The following ATXN3 variants were observed in gnomAD, a reference collection of about 807,000 sequenced individuals.
ATXN3 encodes ataxin 3.
In ATXN3, 28 loss-of-function variants were observed where a neutral mutation model predicts 58.2. The ratio of observed to expected loss-of-function variants is 0.48; its 90% CI spans 0.36 to 0.66. ATXN3 has a LOEUF of 0.66. Among genes scored for constraint, ATXN3 ranks in the 30% least tolerant of loss-of-function variants. ATXN3 has a pLI of 0.00. For missense variants in ATXN3, 321 were observed against 422.1 expected (o/e 0.76, Z 2.10); for synonymous variants, 113 against 138.5 (o/e 0.82, Z 1.29).
chr14:92,051,212 T>C (rs1455209794), upstream of ATXN3, among the ~76,000 whole-genome samples: 5 of 152,230 alleles, frequency 3.3e-5, no homozygotes, highest in Non-Finnish European at 5.9e-5. Context: ...ATGTAAGTCT[T>C]ATTCATTGCA....
At chr14:92,045,436 G>T (rs1197234634) in intron 2 of ATXN3, among the ~76,000 whole-genome samples, 4 of 152,110 alleles carry the variant, frequency 2.6e-5, no homozygotes, top group African/African-American at 9.7e-5. Context: ...TGTGGGAAAG[G>T]CCTCTACCCA....
chr14:92,071,360 C>T, intron 9 of ATXN3: 3 of 450,296 alleles, frequency 6.7e-6, no homozygotes, highest in South Asian at 3.7e-5. Flanking sequence ...CTTTGGGAGG[C>T]CGAGGCGGGT....
At chr14:92,055,698 T>C (rs2057462638), downstream of ATXN3, among the ~76,000 whole-genome samples, 1 of 152,172 alleles carries the variant, frequency 6.6e-6, no homozygotes, top group Non-Finnish European at 1.5e-5. The surrounding 1 kb of genome is among the most constrained non-coding windows in gnomAD (Gnocchi z 4.5). Flanking sequence ...AGGTGGCTCA[T>C]GCCTGTCATC....
intron 10 of ATXN3, among the ~76,000 whole-genome samples, chr14:92,070,388 G>A (rs558124846): frequency 6.6e-6 from 1 of 152,230 alleles, no homozygotes; most frequent in Non-Finnish European, 1.5e-5. Flanking sequence ...GACCATCCTG[G>A]CTAACATGGT....
At position 92,093,725 on chromosome 14, in the gene ATXN3, AAATGC is replaced by A; in HGVS notation, c.320+16_320+20del. On this transcript the variant is annotated intron_variant, in intron 4 of 10. Transcript: ENST00000644486. Reference sequence around the variant, plus strand: ...TCAAATTTGGGAAAAGAAATGTATGAAATGCAAAACAGAATCTTACATAGGATCGA... The same window carrying A: ...TCAAATTTGGGAAAAGAAATGTATGAAAAACAGAATCTTACATAGGATCGA... 6.6e-7 allele frequency: 1 copy of A among 1,514,028 alleles called. No homozygotes were observed. Among genetic ancestry groups the A allele is most frequent in the Non-Finnish European group, 9.0e-7 (1 of 1,109,484 alleles). 93.8% of individuals were successfully genotyped at this position (1,514,028 alleles called of 1,614,324 possible). A position where few individuals can be genotyped will look rare whatever the true frequency, so the allele number is the denominator to read the frequency against.
intron 2 of ATXN3, 32 bp from the exon 3 acceptor site, chr14:92,096,169 G>T: frequency 1.2e-6 from 2 of 1,610,688 alleles, no homozygotes; most frequent in Non-Finnish European, 8.5e-7. Context: ...TGAAGCAAGG[G>T]TGGGGGTGGG....
At position 92,060,922 on chromosome 14, in the gene ATXN3, T is replaced by TG. The variant is rs1053261531; in HGVS notation, c.*3397dup. 8.6e-5 allele frequency: 13 copies of TG among 151,958 alleles called. No homozygotes were observed. Among genetic ancestry groups the TG allele is most frequent in the Middle Eastern group, 3.4e-3 (1 of 294 alleles). The allele number at this position is 151,958 out of a possible 1,614,324, so 9.4% of individuals were successfully genotyped here. On this transcript the variant is annotated 3_prime_UTR_variant, in exon 11 of 11. Transcript: ENST00000644486. Reference sequence around the variant, plus strand: ...TAATTTTTGTAGTTTTTAGTACAGATGGGGTTTCACCATTTTGGCCAAGCT... The same window carrying TG: ...TAATTTTTGTAGTTTTTAGTACAGATGGGGGTTTCACCATTTTGGCCAAGCT...
intron 10 of ATXN3, among the ~76,000 whole-genome samples, chr14:92,068,957 A>C (rs1386406063): frequency 1.3e-5 from 2 of 152,178 alleles, no homozygotes; most frequent in Admixed American, 1.3e-4. Context: ...AGAAAAAAGT[A>C]CCAGTTCATT....
Position 92,060,802 on chromosome 14 carries a change from GGCTCACT to G in ATXN3, c.*3511_*3517del, listed in dbSNP as rs2057727187. 1 of 147,338 alleles carries G rather than the reference GGCTCACT, an allele frequency of 6.8e-6. No individual in the cohort carries two copies. Among genetic ancestry groups the G allele is most frequent in the Non-Finnish European group, 1.5e-5 (1 of 67,368 alleles). The allele number at this position is 147,338 out of a possible 1,614,324, so 9.1% of individuals were successfully genotyped here. On this transcript the variant is annotated 3_prime_UTR_variant, in exon 11 of 11. Coordinates refer to ENST00000644486, the MANE Select transcript of ATXN3 (RefSeq NM_004993.6). ...GTCTGGAGTACAGTGGCACCATCTT[GGCTCACT>G]GCATCCTCTGTCGCCAGGGTTCAAG...
chr14:92,070,618 G>A lies in ATXN3; in HGVS notation c.991+317C>T. The A allele has an allele frequency of 7.6e-6, 5 of 661,268 alleles. No individual in the cohort carries two copies. The South Asian group carries it at 1.2e-4, about 16-fold the overall frequency. 41.0% of individuals were successfully genotyped at this position (661,268 alleles called of 1,614,324 possible). ...ATCCATGATGTCTAAGGAATTTTTGGAGACTGTACAAATTACTGTGAAGTT... is the reference window on the plus strand; with the variant it reads ...ATCCATGATGTCTAAGGAATTTTTGAAGACTGTACAAATTACTGTGAAGTT... On this transcript the variant is annotated intron_variant, in intron 10 of 10. Transcript: ENST00000644486.
intron 10 of ATXN3, among the ~76,000 whole-genome samples, chr14:92,067,810 A>G (rs2058707723): frequency 6.6e-6 from 1 of 152,208 alleles, no homozygotes; most frequent in Non-Finnish European, 1.5e-5. Flanking sequence ...GGCAACAGGG[A>G]AAAGGGAGTG....
At chr14:92,081,890 T>TA (rs55904144) in intron 8 of ATXN3, among the ~76,000 whole-genome samples, 3,314 of 152,352 alleles carry the variant, frequency 0.022, 124 homozygotes, top group African/African-American at 0.075. Context: ...AAAGTGGGCT[T>TA]ACGGTTTAAG....
chr14:92,073,083 T>C (rs7150654), intron 9 of ATXN3, among the ~76,000 whole-genome samples: 43,871 of 152,164 alleles, frequency 0.29, 6,748 homozygotes, highest in East Asian at 0.44. Flanking sequence ...CTGGCACATC[T>C]GCTATCACTC....
At chr14:92,069,010 T>C (rs1305971841) in intron 10 of ATXN3, among the ~76,000 whole-genome samples, 1 of 152,168 alleles carries the variant, frequency 6.6e-6, no homozygotes, top group Non-Finnish European at 1.5e-5. Context: ...AGTTTGTGCA[T>C]TCATTAACTA....
At chr14:92,080,038 TTTTA>T (rs2061178487) in intron 9 of ATXN3, among the ~76,000 whole-genome samples, 3 of 151,942 alleles carry the variant, frequency 2.0e-5, no homozygotes, top group Admixed American at 6.6e-5. Flanking sequence ...GTGCCCAGCC[TTTTA>T]TTTTTCTTTA....
intron 4 of ATXN3, 163 bp downstream of exon 4, chr14:92,093,583 A>G: frequency 1.5e-6 from 1 of 670,648 alleles, no homozygotes; most frequent in East Asian, 2.7e-5. Flanking sequence ...TACAGGGCAG[A>G]TGCTCATGGA....
downstream of ATXN3, among the ~76,000 whole-genome samples, chr14:92,056,714 A>T (rs761343464): frequency 6.6e-6 from 1 of 152,188 alleles, no homozygotes; most frequent in African/African-American, 2.4e-5. Context: ...AAGAATACAG[A>T]AGATGGATCT....
chr14:92,075,737 T>C (rs1248046501), intron 9 of ATXN3, among the ~76,000 whole-genome samples: 1 of 152,206 alleles, frequency 6.6e-6, no homozygotes, highest in African/African-American at 2.4e-5. Context: ...ACGAACTACC[T>C]AGGCTAAGTA....
chr14:92,052,601 C>A (rs746949817), upstream of ATXN3, among the ~76,000 whole-genome samples: 1 of 152,184 alleles, frequency 6.6e-6, no homozygotes, highest in Non-Finnish European at 1.5e-5. Context: ...ATTGAGCCTC[C>A]ACTTTTTACC....
Sources: gnomAD v4.1 joint callset for allele counts (sites outside exome capture counted in the v4.1 genomes callset) on GRCh38, gnomAD v4.1.1 for gene constraint, Gnocchi (gnomAD v3.1) non-coding constraint, MANE v1.5 for transcripts, NCBI Gene and HGNC (gene_info 2026-07-23, HGNC 2026-07-21) for gene names.